VWA3B: variants seen among roughly 807,000 people sequenced by gnomAD.
The protein encoded by VWA3B is von Willebrand factor A domain containing 3B.
Under a neutral mutation model 158.3 loss-of-function variants are expected in VWA3B, and 138 were observed. The observed-to-expected ratio is 0.87, with a 90% CI of 0.76 to 1.00. VWA3B has a LOEUF of 1.00. VWA3B is among the 50% of genes least tolerant of loss of function. The pLI, the probability that VWA3B is intolerant of heterozygous loss-of-function variation, is 0.00. For synonymous variants in VWA3B, 596 were observed against 587.3 expected (o/e 1.01, Z -0.21); for missense variants, 1,555 against 1,565.1 (o/e 0.99, Z 0.11).
chr2:98,179,671 T>TTTTC (rs996957518), intron 8 of VWA3B, among the ~76,000 whole-genome samples: 1 of 152,052 alleles, frequency 6.6e-6, no homozygotes, highest in African/African-American at 2.4e-5. Context: ...TTTCTCTTTC[T>TTTTC]TTTCTTTCTT....
intron 2 of VWA3B, 112 bp downstream of exon 2, chr2:98,093,400 C>CTTA: frequency 9.4e-7 from 1 of 1,062,642 alleles, no homozygotes; most frequent in Non-Finnish European, 1.4e-6. Flanking sequence ...TTGCTTTGAT[C>CTTA]TTATATCCCT....
intron 12 of VWA3B, among the ~76,000 whole-genome samples, chr2:98,207,883 T>G (rs1683153129): frequency 6.6e-6 from 1 of 152,080 alleles, no homozygotes; most frequent in African/African-American, 2.4e-5. Flanking sequence ...TCCAATACAA[T>G]GTACACCCCT....
At chr2:98,278,625 G>A (rs1688674971) in intron 22 of VWA3B, among the ~76,000 whole-genome samples, 1 of 152,112 alleles carries the variant, frequency 6.6e-6, no homozygotes, top group South Asian at 2.1e-4. Context: ...CTTCTCTGAG[G>A]TCCCGCCATC....
chr2:98,303,566 A>G (rs1281668844), intron 25 of VWA3B, 136 bp from the exon 26 acceptor site: 4 of 755,776 alleles, frequency 5.3e-6, no homozygotes, highest in Non-Finnish European at 8.7e-6. Context: ...TCTGAATTTG[A>G]ACTACTCTTT....
chr2:98,143,417 A>C (rs574191638), intron 7 of VWA3B, among the ~76,000 whole-genome samples: 98 of 152,342 alleles, frequency 6.4e-4, no homozygotes, highest in African/African-American at 2.1e-3. Flanking sequence ...TAGAAAATTT[A>C]AAGTTATATA....
intron 1 of VWA3B, among the ~76,000 whole-genome samples, chr2:98,089,250 A>G (rs1682097846): frequency 6.6e-6 from 1 of 152,150 alleles, no homozygotes; most frequent in Admixed American, 6.5e-5. Context: ...CTGTGCTGAG[A>G]ATCTTCCTGT....
intron 22 of VWA3B, among the ~76,000 whole-genome samples, chr2:98,282,432 CTTTTTTTTTTTTTT>C (rs759230723): frequency 8.0e-6 from 1 of 124,904 alleles, no homozygotes; most frequent in Non-Finnish European, 1.6e-5. Flanking sequence ...ACATGAATTA[CTTTTTTTTTTTTTT>C]TTTTTTTTTG....
chr2:98,095,686 G>A (rs578125518), intron 2 of VWA3B, among the ~76,000 whole-genome samples: 3 of 152,174 alleles, frequency 2.0e-5, no homozygotes, highest in African/African-American at 7.2e-5. Flanking sequence ...AGTGGGCATC[G>A]TTTTCTTCTT....
In VWA3B at chr2:98,250,412, A is replaced by G; in HGVS notation, c.2768A>G (p.Glu923Gly). 1 of 1,612,240 alleles carries G rather than the reference A, an allele frequency of 6.2e-7. No homozygotes were observed. The highest frequency in any genetic ancestry group is 8.5e-7 in the Non-Finnish European group (1 of 1,179,312). ...CTCAATATCTACAAGCGAAAAGTGG[A>G]ACAGGCAATTCAATCCTATGAAAAG... ...AKLNIYKRKV[E>G]QAIQSYEKRL... The change falls in exon 20 of 28, where the codon GAA becomes GGA. Residue 923 changes from glutamate to glycine, a missense_variant. Glu to Gly is a moderately conservative substitution (Grantham distance 98, BLOSUM62 -2). Coordinates refer to ENST00000477737, the MANE Select transcript of VWA3B (RefSeq NM_144992.5).
rs182511648 is a variant in VWA3B, at chr2:98,097,118, A to T, written c.196+3830A>T. Among the ~76,000 whole-genome samples, 317 of 152,124 alleles carry T rather than the reference A, an allele frequency of 2.1e-3. 2 individuals are homozygous for T. Among genetic ancestry groups the T allele is most frequent in the African/African-American group, 7.5e-3 (310 of 41,506 alleles). On this transcript the variant is annotated intron_variant, in intron 2 of 27. Transcript: ENST00000477737. ...TTTAATTAATAAATTTTTTTACTTC[A>T]GTAGATTTTGGGGTTCAAGTGGCTT...
intron 14 of VWA3B, among the ~76,000 whole-genome samples, chr2:98,222,077 C>T (rs375994639): frequency 4.6e-5 from 7 of 152,212 alleles, no homozygotes; most frequent in East Asian, 3.9e-4. Context: ...CTAGCCCCCA[C>T]GGTGGTCCTC....
intron 22 of VWA3B, among the ~76,000 whole-genome samples, chr2:98,290,185 T>C (rs1689402333): frequency 6.6e-6 from 1 of 152,120 alleles, no homozygotes; most frequent in Non-Finnish European, 1.5e-5. Context: ...CTTACAATCA[T>C]GGCAGAAGGC....
chr2:98,185,639 G>A (rs1195024498), intron 9 of VWA3B, among the ~76,000 whole-genome samples: 8 of 152,138 alleles, frequency 5.3e-5, no homozygotes, highest in African/African-American at 1.2e-4. Flanking sequence ...GAACATCGAC[G>A]GGAATGTCAT....
Position 98,228,241 on chromosome 2 carries a change from G to A in VWA3B, c.2059G>A (p.Gly687Ser), listed in dbSNP as rs1326473324. The A allele has an allele frequency of 1.2e-6, 2 of 1,613,986 alleles. No homozygotes were observed. The change falls in exon 15 of 28, where the codon GGT becomes AGT. Residue 687 changes from glycine to serine, a missense_variant. Coordinates refer to ENST00000477737, the MANE Select transcript of VWA3B (RefSeq NM_144992.5). ...TCTTTTAGTTAAGGAAATGGAACAGGGTCACAGTGATCTGGAGAAGATGCA... is the reference window on the plus strand; with the variant it reads ...TCTTTTAGTTAAGGAAATGGAACAGAGTCACAGTGATCTGGAGAAGATGCA... The part of the protein sequence containing the change: ...LTLLVKEMEQ[G>S]HSDLEKMQDL...
chr2:98,185,948 C>T (rs559011944), intron 9 of VWA3B, among the ~76,000 whole-genome samples: 2 of 152,256 alleles, frequency 1.3e-5, no homozygotes, highest in East Asian at 1.9e-4. Context: ...ATTCCTCAGT[C>T]GAGTTGTATA....
At chr2:98,152,873 T>A (rs915714088) in intron 7 of VWA3B, among the ~76,000 whole-genome samples, 2 of 152,224 alleles carry the variant, frequency 1.3e-5, no homozygotes, top group Admixed American at 1.3e-4. Context: ...AAGCCAGAGC[T>A]TTGTACTTTA....
chr2:98,127,018 G>GGCC (rs1225751275), intron 5 of VWA3B, among the ~76,000 whole-genome samples: 2 of 148,802 alleles, frequency 1.3e-5, no homozygotes, highest in Non-Finnish European at 3.0e-5. Context: ...GATAGATACT[G>GGCC]AGGTGAGGCC....
At chr2:98,089,967 GAACCCCTCTTTAAGGTTCCC>G (rs1299654759) in intron 1 of VWA3B, among the ~76,000 whole-genome samples, 4 of 152,064 alleles carry the variant, frequency 2.6e-5, no homozygotes, top group African/African-American at 4.8e-5. Flanking sequence ...TGACTATTCT[GAACCCCTCTTTAAGGTTCCC>G]AAATCCACTT....
intron 22 of VWA3B, among the ~76,000 whole-genome samples, chr2:98,278,984 T>C (rs1489538045): frequency 2.0e-5 from 3 of 152,176 alleles, no homozygotes; most frequent in African/African-American, 7.2e-5. Flanking sequence ...CATGCCGTCC[T>C]CAGACAGCAC....
Sources: gnomAD v4.1 joint callset for allele counts (sites outside exome capture counted in the v4.1 genomes callset) on GRCh38, gnomAD v4.1.1 for gene constraint, MANE v1.5 for transcripts, NCBI Gene and HGNC (gene_info 2026-07-23, HGNC 2026-07-21) for gene names.